LRRC37A2: variants seen among roughly 807,000 people sequenced by gnomAD.
LRRC37A2 encodes leucine-rich repeat-containing protein 37A2.
Under a neutral mutation model 68.8 loss-of-function variants are expected in LRRC37A2, and 9 were observed. That is an observed-to-expected ratio of 0.13 (90% CI 0.08 to 0.23). The LOEUF is 0.23. LRRC37A2 is among the 10% of genes least tolerant of loss of function. The pLI is 1.00. For synonymous variants in LRRC37A2, 63 were observed against 367.6 expected (o/e 0.17, Z 9.48); for missense variants, 168 against 950.4 (o/e 0.18, Z 10.82).
the LRRC37A2 span, chr17:46,818,472 C>A: frequency 9.0e-6 from 14 of 1,564,106 alleles, no homozygotes; most frequent in Non-Finnish European, 1.2e-5. Flanking sequence ...CTTCCCCGGA[C>A]GCGGCGGAGA....
the LRRC37A2 span, among the ~76,000 whole-genome samples, chr17:46,631,061 T>TACACACACACACACACACAC: frequency 2.1e-3 from 253 of 122,810 alleles, 4 homozygotes; most frequent in African/African-American, 6.5e-3. Flanking sequence ...TCTCTCTCTG[T>TACACACACACACACACACAC]ACACACACAC....
the LRRC37A2 span, among the ~76,000 whole-genome samples, chr17:46,834,593 G>A: frequency 6.6e-6 from 1 of 152,116 alleles, no homozygotes; most frequent in Non-Finnish European, 1.5e-5. Flanking sequence ...TACCTCCTGG[G>A]CTGTAGGTAG....
chr17:47,011,312 G>A, the LRRC37A2 span, among the ~76,000 whole-genome samples: 1 of 152,144 alleles, frequency 6.6e-6, no homozygotes, highest in Non-Finnish European at 1.5e-5. Flanking sequence ...CACTTTGGGA[G>A]GCAAGGTGGG....
the LRRC37A2 span, among the ~76,000 whole-genome samples, chr17:46,719,296 C>G: frequency 6.6e-6 from 1 of 152,110 alleles, no homozygotes; most frequent in African/African-American, 2.4e-5. This position sits in a 1 kb window ranked among gnomAD's most constrained non-coding sequence, Gnocchi z 4.3. Context: ...GCATCTTTAC[C>G]TACCACTTTA....
chr17:47,038,577 C>T, the LRRC37A2 span, among the ~76,000 whole-genome samples: 4,116 of 146,436 alleles, frequency 0.028, 132 homozygotes, highest in Middle Eastern at 0.094. Flanking sequence ...AACTTCGCTT[C>T]TCTAAAGCTC....
chr17:46,965,696 C>T, the LRRC37A2 span, among the ~76,000 whole-genome samples: 3 of 152,100 alleles, frequency 2.0e-5, no homozygotes, highest in South Asian at 2.1e-4. Context: ...GATCACGGCA[C>T]GCTGCAGCCT....
chr17:47,013,924 C>T, the LRRC37A2 span, among the ~76,000 whole-genome samples: 11,220 of 152,182 alleles, frequency 0.074, 512 homozygotes, highest in Middle Eastern at 0.12. Context: ...CACCTGAGGT[C>T]GGGAGTTCAA....
the LRRC37A2 span, among the ~76,000 whole-genome samples, chr17:46,502,590 C>T: frequency 6.6e-6 from 1 of 151,310 alleles, no homozygotes; most frequent in East Asian, 1.9e-4. Context: ...GCATGAGCCA[C>T]TGCTCCTGGC....
the LRRC37A2 span, chr17:46,711,068 C>G: frequency 6.3e-7 from 1 of 1,584,156 alleles, no homozygotes; most frequent in Non-Finnish European, 8.6e-7. Context: ...GCTGCTGGTG[C>G]AGCAGACTAA....
chr17:46,506,154 T>G, the LRRC37A2 span, among the ~76,000 whole-genome samples: 1 of 145,308 alleles, frequency 6.9e-6, no homozygotes, highest in Non-Finnish European at 1.5e-5. Context: ...AAGAGTCTAC[T>G]AGAGATACTA....
the LRRC37A2 span, among the ~76,000 whole-genome samples, chr17:46,918,319 C>T: frequency 1.3e-5 from 2 of 152,122 alleles, no homozygotes; most frequent in African/African-American, 4.8e-5. Context: ...ACCTCGTGAT[C>T]CGCCCACCTT....
At chr17:46,726,708 T>C in the LRRC37A2 span, 1 of 1,092,548 alleles carries the variant, frequency 9.2e-7, no homozygotes, top group Non-Finnish European at 1.4e-6. Context: ...ATTTATAAAC[T>C]GTAAAGCAAT....
At chr17:46,525,462 C>A (rs1467736739) in intron 6 of LRRC37A2, among the ~76,000 whole-genome samples, 2 of 112,346 alleles carry the variant, frequency 1.8e-5, no homozygotes, top group African/African-American at 6.4e-5. Flanking sequence ...TGGCAGGCAA[C>A]TGTAATCCTA....
chr17:46,635,782 T>TGTGTGTGTGTGTGTGTG, the LRRC37A2 span, among the ~76,000 whole-genome samples: 1 of 131,104 alleles, frequency 7.6e-6, no homozygotes, highest in African/African-American at 2.9e-5. Context: ...AATAAATGTG[T>TGTGTGTGTGTGTGTGTG]GTGTGTGTGT....
the LRRC37A2 span, among the ~76,000 whole-genome samples, chr17:46,745,930 T>C: frequency 2.0e-5 from 3 of 152,210 alleles, no homozygotes; most frequent in African/African-American, 7.2e-5. Flanking sequence ...GGTATTTCTG[T>C]TCCTCTGGCT....
chr17:46,781,440 A>T, the LRRC37A2 span, among the ~76,000 whole-genome samples: 8 of 152,162 alleles, frequency 5.3e-5, no homozygotes, highest in Admixed American at 2.0e-4. Flanking sequence ...TGAAATTCTG[A>T]TGCAAGCTAC....
the LRRC37A2 span, among the ~76,000 whole-genome samples, chr17:46,830,164 C>T: frequency 6.6e-6 from 1 of 152,142 alleles, no homozygotes; most frequent in Non-Finnish European, 1.5e-5. Context: ...TCATCACCCA[C>T]CCCTACCTTT....
At chr17:47,000,021 AAT>A in the LRRC37A2 span, among the ~76,000 whole-genome samples, 1 of 18,812 alleles carries the variant, frequency 5.3e-5, no homozygotes, top group African/African-American at 9.5e-5. Context: ...AATAAAATAA[AAT>A]AAAATAAAAT....
the LRRC37A2 span, among the ~76,000 whole-genome samples, chr17:46,708,822 A>ATT: frequency 3.9e-3 from 424 of 108,850 alleles, 12 homozygotes; most frequent in African/African-American, 7.6e-3. Flanking sequence ...ATATATATAT[A>ATT]TTTTTTTTTT....
Sources: allele counts gnomAD v4.1 joint callset (sites outside exome capture counted in the v4.1 genomes callset), GRCh38; gene constraint gnomAD v4.1.1; non-coding constraint Gnocchi (gnomAD v3.1); transcripts MANE v1.5; gene names NCBI Gene and HGNC (gene_info 2026-07-23, HGNC 2026-07-21).